Variants in RIC8B observed in about 807,000 individuals in gnomAD.
RIC8B encodes chaperone Ric-8B.
In RIC8B, 16 loss-of-function variants were observed where a neutral mutation model predicts 57.5. That is an observed-to-expected ratio of 0.28 (90% CI 0.19 to 0.42). RIC8B has a LOEUF of 0.42. Ranked by LOEUF, RIC8B falls within the 10% of genes least tolerant of loss-of-function variation. RIC8B has a pLI of 1.00. For synonymous variants in RIC8B, 216 were observed against 250.8 expected (o/e 0.86, Z 1.31); for missense variants, 481 against 677.0 (o/e 0.71, Z 3.21).
intron 2 of RIC8B, among the ~76,000 whole-genome samples, chr12:106,792,605 A>G (rs1037935447): frequency 3.9e-5 from 6 of 152,222 alleles, no homozygotes; most frequent in African/African-American, 1.4e-4. Context: ...CCAAAGGCAT[A>G]CAGTCAATGA....
chr12:106,843,846 T>A lies in RIC8B; in HGVS notation c.1066-6T>A, dbSNP rs757818437. 4.4e-6 allele frequency: 7 copies of A among 1,591,738 alleles called. No homozygotes were observed. Among genetic ancestry groups the A allele is most frequent in the East Asian group, 2.2e-5 (1 of 44,788 alleles). On this transcript the variant is annotated splice_polypyrimidine_tract_variant and splice_region_variant and intron_variant, in intron 5 of 9. Transcript: ENST00000392837. ...TTTCAAAAACATATGGTTTTTTTTT[T>A]TATAGGGAAGCAGCTATAGAGAGGG...
At chr12:106,843,971 T>A (rs866439978) in intron 6 of RIC8B, 24 bp downstream of exon 6, 7 of 1,468,208 alleles carry the variant, frequency 4.8e-6, no homozygotes, top group Middle Eastern at 1.7e-4. Flanking sequence ...GCATATTACA[T>A]TGCAAAGTTA....
intron 3 of RIC8B, among the ~76,000 whole-genome samples, chr12:106,820,258 C>A (rs147257783): frequency 1.0e-3 from 155 of 152,302 alleles, no homozygotes; most frequent in Non-Finnish European, 1.6e-3. Context: ...ATTTTAGATT[C>A]ATGCCTCAGT....
At chr12:106,804,789 A>G (rs573716883) in intron 2 of RIC8B, among the ~76,000 whole-genome samples, 7 of 152,292 alleles carry the variant, frequency 4.6e-5, no homozygotes, top group Non-Finnish European at 7.4e-5. Flanking sequence ...AATATAATTC[A>G]AGGTCAGAGG....
intron 4 of RIC8B, among the ~76,000 whole-genome samples, 187 bp from the exon 5 acceptor site, chr12:106,842,402 C>T (rs1191382246): frequency 1.3e-5 from 2 of 152,082 alleles, no homozygotes; most frequent in East Asian, 3.9e-4. Context: ...ATTTGTACAA[C>T]ATATATTTGA....
At chr12:106,825,495 A>G (rs993093681) in intron 3 of RIC8B, among the ~76,000 whole-genome samples, 1 of 152,240 alleles carries the variant, frequency 6.6e-6, no homozygotes, top group African/African-American at 2.4e-5. Flanking sequence ...TTGAATCTTA[A>G]GAAGGTAAAT....
chr12:106,828,136 A>G (rs1205886165), intron 4 of RIC8B, among the ~76,000 whole-genome samples: 1 of 152,210 alleles, frequency 6.6e-6, no homozygotes, highest in African/African-American at 2.4e-5. Context: ...ATAAAAACCT[A>G]TCGGCTTCAC....
At chr12:106,806,231 G>A (rs550490185) in intron 2 of RIC8B, among the ~76,000 whole-genome samples, 8 of 152,296 alleles carry the variant, frequency 5.3e-5, no homozygotes, top group African/African-American at 1.9e-4. Context: ...ACAGGCATGA[G>A]CCACTGTGCC....
intron 2 of RIC8B, among the ~76,000 whole-genome samples, chr12:106,813,205 T>G (rs1170545875): frequency 6.8e-6 from 1 of 147,840 alleles, no homozygotes; most frequent in Non-Finnish European, 1.5e-5. Flanking sequence ...TTTTTTTTTT[T>G]TTTTGAGACA....
chr12:106,831,439 A>G (rs2046348817), intron 4 of RIC8B, among the ~76,000 whole-genome samples: 1 of 152,218 alleles, frequency 6.6e-6, no homozygotes, highest in Admixed American at 6.5e-5. Context: ...TCCTATGTAT[A>G]TGATTCTACC....
intron 2 of RIC8B, among the ~76,000 whole-genome samples, chr12:106,802,124 C>G (rs2044759307): frequency 6.6e-6 from 1 of 152,190 alleles, no homozygotes; most frequent in African/African-American, 2.4e-5. Flanking sequence ...TACAAAAATT[C>G]CTTTGACATC....
intron 1 of RIC8B, chr12:106,775,491 A>G (rs2043427142): frequency 5.3e-6 from 2 of 374,394 alleles, no homozygotes; most frequent in African/African-American, 2.1e-5. Flanking sequence ...CAGCTTTCCT[A>G]TCCATTATCT....
At chr12:106,833,141 T>C (rs2046429176) in intron 4 of RIC8B, among the ~76,000 whole-genome samples, 1 of 152,200 alleles carries the variant, frequency 6.6e-6, no homozygotes, top group Non-Finnish European at 1.5e-5. Context: ...TCCTAATCAA[T>C]AAAAATTTTT....
At chr12:106,809,969 C>T (rs975787245) in intron 2 of RIC8B, among the ~76,000 whole-genome samples, 4 of 151,938 alleles carry the variant, frequency 2.6e-5, no homozygotes, top group African/African-American at 7.2e-5. Context: ...TAACCAACCC[C>T]TCCATATCCA....
chr12:106,829,293 A>G (rs1593234103), intron 4 of RIC8B, among the ~76,000 whole-genome samples: 2 of 152,224 alleles, frequency 1.3e-5, no homozygotes, highest in African/African-American at 4.8e-5. Flanking sequence ...AAGCTTATGC[A>G]TAAATACTTA....
intron 4 of RIC8B, among the ~76,000 whole-genome samples, chr12:106,826,511 T>C (rs146976581): frequency 1.3e-4 from 20 of 152,316 alleles, no homozygotes; most frequent in African/African-American, 4.6e-4. Context: ...CCCAACACTT[T>C]GGGAGTCCAA....
intron 3 of RIC8B, among the ~76,000 whole-genome samples, chr12:106,817,346 TAGTA>T (rs1255185090): frequency 6.6e-6 from 1 of 152,148 alleles, no homozygotes; most frequent in Non-Finnish European, 1.5e-5. Context: ...TGAGAATACT[TAGTA>T]AGAGAAATTT....
At chr12:106,850,677 G>GTA (rs1269918639) in intron 6 of RIC8B, among the ~76,000 whole-genome samples, 1 of 152,086 alleles carries the variant, frequency 6.6e-6, no homozygotes, top group African/African-American at 2.4e-5. Context: ...TATAAATAAT[G>GTA]TATATATATC....
At chr12:106,878,619 A>T (rs1173564445) in intron 9 of RIC8B, among the ~76,000 whole-genome samples, 1 of 152,162 alleles carries the variant, frequency 6.6e-6, no homozygotes, top group Non-Finnish European at 1.5e-5. Flanking sequence ...AACTGTCAGG[A>T]TTCTTTTTTC....
Sources: allele counts gnomAD v4.1 joint callset (sites outside exome capture counted in the v4.1 genomes callset), GRCh38; gene constraint gnomAD v4.1.1; transcripts MANE v1.5; gene names NCBI Gene and HGNC (gene_info 2026-07-23, HGNC 2026-07-21).